GABRB3: variants seen among roughly 807,000 people sequenced by gnomAD.
The protein encoded by GABRB3 is gamma-aminobutyric acid receptor subunit beta-3.
In GABRB3, 14 loss-of-function variants were observed where a neutral mutation model predicts 52.1. That is an observed-to-expected ratio of 0.27 (90% CI 0.18 to 0.42). The LOEUF (loss-of-function observed/expected upper bound fraction) is 0.42, where lower values mean the gene tolerates loss of function less well. GABRB3 is among the 10% of genes least tolerant of loss of function. The pLI, the probability that GABRB3 is intolerant of heterozygous loss-of-function variation, is 1.00. For synonymous variants in GABRB3, 260 were observed against 232.3 expected (o/e 1.12, Z -1.08); for missense variants, 307 against 609.1 (o/e 0.50, Z 5.22).
chr15:26,772,831 C>G (rs1782946635), intron 1 of GABRB3, 52 bp downstream of exon 1: 1 of 1,451,252 alleles, frequency 6.9e-7, no homozygotes, highest in Non-Finnish European at 9.1e-7. Flanking sequence ...CCGCCAGCGC[C>G]CCGCGCACCC....
intron 3 of GABRB3, among the ~76,000 whole-genome samples, chr15:26,721,133 T>C (rs1889633248): frequency 6.6e-6 from 1 of 151,664 alleles, no homozygotes; most frequent in Non-Finnish European, 1.5e-5. Context: ...TTGCAGGGAG[T>C]GTTGCTAGGT....
intron 3 of GABRB3, chr15:26,642,630 T>A: frequency 1.8e-6 from 1 of 559,752 alleles, no homozygotes. Context: ...CCTCTCTACC[T>A]GCATATATAA....
chr15:26,593,969 T>C (rs1215317429), intron 4 of GABRB3, among the ~76,000 whole-genome samples: 4 of 82,444 alleles, frequency 4.9e-5, no homozygotes, highest in Middle Eastern at 0.012. Flanking sequence ...ACATTTGTTC[T>C]TCTCATTTTA....
chr15:26,751,557 C>T lies in GABRB3; in HGVS notation c.240+20845G>A, dbSNP rs145727571. On this transcript the variant is annotated intron_variant, in intron 3 of 8. Transcript: ENST00000311550. ...CCTCCTGATTCAGAATTTGATGTTA[C>T]ACTCCTAATTTTCATTATAGCCTAT... 2.8e-3 allele frequency among the ~76,000 whole-genome samples: 428 copies of T among 152,224 alleles called. 3 individuals are homozygous for T. Among genetic ancestry groups the T allele is most frequent in the African/African-American group, 9.5e-3 (395 of 41,542 alleles).
At chr15:26,614,695 A>G (rs185045742) in intron 4 of GABRB3, 1 of 152,352 alleles carries the variant, frequency 6.6e-6, no homozygotes, top group Admixed American at 6.5e-5. Context: ...CAGAACCACC[A>G]TATAAAACAG....
chr15:26,617,352 G>C (rs1366216837), intron 4 of GABRB3, among the ~76,000 whole-genome samples: 1 of 152,110 alleles, frequency 6.6e-6, no homozygotes, highest in Non-Finnish European at 1.5e-5. Context: ...ATGCAAGGCT[G>C]GTTCAATATA....
intron 4 of GABRB3, among the ~76,000 whole-genome samples, chr15:26,605,940 A>G (rs1428797697): frequency 6.6e-6 from 1 of 152,164 alleles, no homozygotes. Flanking sequence ...CATACAACAC[A>G]GCGGAAGTCG....
chr15:26,572,144 A>C (rs1427306458), intron 6 of GABRB3, among the ~76,000 whole-genome samples: 1 of 152,186 alleles, frequency 6.6e-6, no homozygotes, highest in Non-Finnish European at 1.5e-5. Flanking sequence ...TCTGAGGTGG[A>C]AACAGTAAGT....
chr15:26,595,241 G>A (rs940349209), intron 4 of GABRB3, among the ~76,000 whole-genome samples: 1 of 152,160 alleles, frequency 6.6e-6, no homozygotes, highest in Non-Finnish European at 1.5e-5. Flanking sequence ...GTTAGGCAAA[G>A]CTGAGATGAA....
At chr15:26,562,167 C>A (rs779393962) in intron 7 of GABRB3, among the ~76,000 whole-genome samples, 5 of 152,128 alleles carry the variant, frequency 3.3e-5, no homozygotes, top group Non-Finnish European at 7.3e-5. Flanking sequence ...AGTTAAGTTA[C>A]GCTGCGCTTA....
At chr15:26,707,255 G>A (rs1889133048) in intron 3 of GABRB3, among the ~76,000 whole-genome samples, 1 of 152,180 alleles carries the variant, frequency 6.6e-6, no homozygotes, top group African/African-American at 2.4e-5. Flanking sequence ...GAACTCTTTT[G>A]TATGGAAGTT....
At chr15:26,635,010 A>ATATATATATATATATATATATATATATAT (rs10676156) in intron 3 of GABRB3, among the ~76,000 whole-genome samples, 5 of 74,882 alleles carry the variant, frequency 6.7e-5, no homozygotes, top group Non-Finnish European at 1.0e-4. Flanking sequence ...ATATATATAT[A>ATATATATATATATATATATATATATATAT]ATATATATAT....
At chr15:26,593,518 T>C (rs1004157240) in intron 4 of GABRB3, among the ~76,000 whole-genome samples, 2 of 152,166 alleles carry the variant, frequency 1.3e-5, no homozygotes, top group Non-Finnish European at 2.9e-5. Flanking sequence ...TCTCTATGAA[T>C]TGACCTATTC....
intron 3 of GABRB3, among the ~76,000 whole-genome samples, chr15:26,671,285 G>A (rs1887890782): frequency 6.6e-6 from 1 of 152,180 alleles, no homozygotes; most frequent in Admixed American, 6.5e-5. Flanking sequence ...ATCACTAAGT[G>A]ATTTGAAATA....
At chr15:26,556,671 T>C (rs1889764555) in intron 8 of GABRB3, among the ~76,000 whole-genome samples, 1 of 149,740 alleles carries the variant, frequency 6.7e-6, no homozygotes, top group Non-Finnish European at 1.5e-5. Context: ...TAAGTGAATA[T>C]GTGAATGTCT....
intron 7 of GABRB3, among the ~76,000 whole-genome samples, chr15:26,566,856 C>T (rs761772084): frequency 2.0e-5 from 3 of 152,094 alleles, no homozygotes; most frequent in South Asian, 2.1e-4. Context: ...ACTACTGATA[C>T]GTTCACTTTC....
Position 26,554,043 on chromosome 15 carries a change from A to T in GABRB3, c.1081-5909T>A, listed in dbSNP as rs1278164742. ...TATTTATATATATATATATTTATTTATTTATATTTATTTATATATAAAGTG... is the reference window on the plus strand; with the variant it reads ...TATTTATATATATATATATTTATTTTTTTATATTTATTTATATATAAAGTG... On this transcript the variant is annotated intron_variant, in intron 8 of 8. Transcript: ENST00000311550. 1.5e-3 allele frequency among the ~76,000 whole-genome samples: 160 copies of T among 108,114 alleles called. 6 individuals carry two copies. Among genetic ancestry groups the T allele is most frequent in the African/African-American group, 4.8e-3 (128 of 26,876 alleles). 70.9% of individuals were successfully genotyped at this position (108,114 alleles called of 152,430 possible). A position where few individuals can be genotyped will look rare whatever the true frequency, so the allele number is the denominator to read the frequency against.
At chr15:26,666,676 A>G (rs934543166) in intron 3 of GABRB3, 3 of 152,184 alleles carry the variant, frequency 2.0e-5, no homozygotes, top group Non-Finnish European at 4.4e-5. Context: ...AGGGATTCCT[A>G]TGTCACCTGC....
chr15:26,606,299 T>G (rs900858796), intron 4 of GABRB3, among the ~76,000 whole-genome samples: 1 of 152,144 alleles, frequency 6.6e-6, no homozygotes, highest in Non-Finnish European at 1.5e-5. Context: ...AAGAGTATTA[T>G]TGGATTGTTT....
Sources: gnomAD v4.1 joint callset for allele counts (sites outside exome capture counted in the v4.1 genomes callset) on GRCh38, gnomAD v4.1.1 for gene constraint, MANE v1.5 for transcripts, NCBI Gene and HGNC (gene_info 2026-07-23, HGNC 2026-07-21) for gene names.